Variants in PTCD2 observed in about 807,000 individuals in gnomAD.
PTCD2 encodes the protein pentatricopeptide repeat-containing protein 2, mitochondrial.
A neutral mutation model predicts 42.6 loss-of-function variants in PTCD2; 31 were observed. That is an observed-to-expected ratio of 0.73 (90% CI 0.55 to 0.98). The LOEUF is 0.98. Ranked by LOEUF, PTCD2 falls within the 50% of genes least tolerant of loss-of-function variation. The pLI is 0.00. For missense variants in PTCD2, 476 were observed against 454.8 expected (o/e 1.05, Z -0.42); for synonymous variants, 183 against 170.9 (o/e 1.07, Z -0.55).
chr5:72,352,360 A>G (rs185562479), intron 8 of PTCD2, among the ~76,000 whole-genome samples: 3 of 152,232 alleles, frequency 2.0e-5, no homozygotes, highest in Admixed American at 1.3e-4. Flanking sequence ...GTTGGCCAGA[A>G]TGGTCTCTAT....
chr5:72,343,573 A>G (rs1353211451), intron 8 of PTCD2, among the ~76,000 whole-genome samples: 4 of 152,196 alleles, frequency 2.6e-5, no homozygotes, highest in African/African-American at 4.8e-5. Flanking sequence ...CCTCTTCCCC[A>G]TTAACTTACC....
rs2112266614 is a variant in PTCD2 at position 72,367,773 on chromosome 5, T to C, written c.*9346T>C. 6.6e-6 allele frequency: 1 copy of C among 152,304 alleles called. No individual in the cohort carries two copies. The highest frequency in any genetic ancestry group is 2.4e-5 in the African/African-American group (1 of 41,560). The allele number at this position is 152,304 out of a possible 1,614,324, so 9.4% of individuals were successfully genotyped here. On this transcript the variant is annotated 3_prime_UTR_variant, in exon 10 of 10. Transcript: ENST00000380639. ...TTAGAAGTGGAGGGAGGAACACAGT[T>C]AGGCTGTGTTCTACTGCACTGCATA...
chr5:72,344,604 T>C (rs1476521169), intron 8 of PTCD2, among the ~76,000 whole-genome samples: 1 of 152,156 alleles, frequency 6.6e-6, no homozygotes, highest in Non-Finnish European at 1.5e-5. Context: ...CCAATTTCCT[T>C]TGATCTGAAA....
Position 72,343,018 on chromosome 5 carries a change from A to G in PTCD2, c.810A>G (p.Ile270Met), listed in dbSNP as rs751725605. ...IFSQIMNPES[I>M]ACINLNIIIH... ...CTCAAATCATGAATCCAGAAAGCAT[A>G]GCCTGCATTAATTTAAATGTAAGTG... The change falls in exon 8 of 10, where the codon ATA (isoleucine) becomes ATG (methionine). Residue 270 changes from isoleucine to methionine, a missense_variant. Ile to Met is a conservative substitution (Grantham distance 10). Coordinates refer to ENST00000380639, the MANE Select transcript of PTCD2 (RefSeq NM_024754.5). The G allele has an allele frequency of 6.3e-7, 1 of 1,590,010 alleles. No homozygotes were observed. The highest frequency in any genetic ancestry group is 1.1e-5 in the South Asian group (1 of 88,062).
rs190670065 is a variant in PTCD2 at position 72,330,038 on chromosome 5, T to C, written c.351-1220T>C. On this transcript the variant is annotated intron_variant, in intron 3 of 9. Coordinates refer to ENST00000380639, the MANE Select transcript of PTCD2 (RefSeq NM_024754.5). Reference sequence around the variant, plus strand: ...AGCTCCGCCTCCTGGGTTCATGCCATTCTCCTGCCTCAGCCTCCCAAGTAG... The same window carrying C: ...AGCTCCGCCTCCTGGGTTCATGCCACTCTCCTGCCTCAGCCTCCCAAGTAG... Among the ~76,000 whole-genome samples, 561 of 151,772 alleles carry C rather than the reference T, an allele frequency of 3.7e-3. 1 individual carries two copies. Among genetic ancestry groups the C allele is most frequent in the African/African-American group, 0.013 (545 of 41,378 alleles).
Position 72,359,799 on chromosome 5 carries a change from A to T in PTCD2, c.*1372A>T, listed in dbSNP as rs976131070. ...AGCTGAGATTAGAATCCAGATTCCT[A>T]GTCTAGTATCCTTCCCACTGTACCA... is the stretch of plus-strand genomic sequence containing the variant. On this transcript the variant is annotated 3_prime_UTR_variant, in exon 10 of 10. Coordinates refer to ENST00000380639, the MANE Select transcript of PTCD2 (RefSeq NM_024754.5). The T allele has an allele frequency of 6.6e-6, 1 of 152,108 alleles. No individual in the cohort carries two copies. Among genetic ancestry groups the T allele is most frequent in the Admixed American group, 6.6e-5 (1 of 15,262 alleles). 9.4% of individuals were successfully genotyped at this position (152,108 alleles called of 1,614,324 possible). A position where few individuals can be genotyped will look rare whatever the true frequency, so the allele number is the denominator to read the frequency against.
Position 72,352,766 on chromosome 5 carries a change from A to C in PTCD2, c.942+12A>C, listed in dbSNP as rs1260636205. 4 of 1,268,836 alleles carry C rather than the reference A, an allele frequency of 3.2e-6. No homozygotes were observed. The highest frequency in any genetic ancestry group is 4.6e-6 in the Non-Finnish European group (4 of 872,394). The allele number at this position is 1,268,836 out of a possible 1,614,324, so 78.6% of individuals were successfully genotyped here. On this transcript the variant is annotated intron_variant, in intron 9 of 9. Coordinates refer to ENST00000380639, the MANE Select transcript of PTCD2 (RefSeq NM_024754.5). Reference sequence around the variant, plus strand: ...TCTCGGAGGAAGTGGTGAGTATGCAAGTGCTGCAGAAATCATTTAAAAGTG... The same window carrying C: ...TCTCGGAGGAAGTGGTGAGTATGCACGTGCTGCAGAAATCATTTAAAAGTG...
At chr5:72,341,887 A>T (rs571396754) in intron 7 of PTCD2, among the ~76,000 whole-genome samples, 2 of 150,842 alleles carry the variant, frequency 1.3e-5, no homozygotes, top group South Asian at 4.2e-4. Context: ...CTGAAAATAC[A>T]AAAAAAAATT....
rs1342013888 is a variant in PTCD2, at chr5:72,352,751, A to AG, written c.940dup (p.Val314GlyfsTer20). The AG allele has an allele frequency of 6.7e-7, 1 of 1,499,680 alleles. No homozygotes were observed. The highest frequency in any genetic ancestry group is 1.1e-5 in the South Asian group (1 of 88,438). 92.9% of individuals were successfully genotyped at this position (1,499,680 alleles called of 1,614,324 possible). On this transcript the variant is annotated frameshift_variant, in exon 9 of 10. Coordinates refer to ENST00000380639, the MANE Select transcript of PTCD2 (RefSeq NM_024754.5). LOFTEE classifies it low-confidence loss of function (END_TRUNC). The stretch of plus-strand genomic sequence containing the variant: ...TGAAAAGACATGTGTTCTCGGAGGA[A>AG]GTGGTGAGTATGCAAGTGCTGCAGA...
At position 72,364,792 on chromosome 5, in the gene PTCD2, T is replaced by C. The variant is rs1753164154; in HGVS notation, c.*6365T>C. 1 of 152,194 alleles carries C rather than the reference T, an allele frequency of 6.6e-6. No individual in the cohort carries two copies. The highest frequency in any genetic ancestry group is 2.1e-4 in the South Asian group (1 of 4,832). 9.4% of individuals were successfully genotyped at this position (152,194 alleles called of 1,614,324 possible). A position where few individuals can be genotyped will look rare whatever the true frequency, so the allele number is the denominator to read the frequency against. ...TCCTGGGTTGGCCAGTGCATTCATG[T>C]ACTGGACCAGGGCCCCTGTATCTTG... On this transcript the variant is annotated 3_prime_UTR_variant, in exon 10 of 10. Coordinates refer to ENST00000380639, the MANE Select transcript of PTCD2 (RefSeq NM_024754.5).
In PTCD2 at chr5:72,358,602, C is replaced by T. The variant is rs567706710; in HGVS notation, c.*175C>T. ...CGATCTCTGAGAAGTTATGTTGCACCACTGTGAAGGTCTAGATGCAAGCTT... is the reference window on the plus strand; with the variant it reads ...CGATCTCTGAGAAGTTATGTTGCACTACTGTGAAGGTCTAGATGCAAGCTT... On this transcript the variant is annotated 3_prime_UTR_variant, in exon 10 of 10. Coordinates refer to ENST00000380639, the MANE Select transcript of PTCD2 (RefSeq NM_024754.5). 1 of 610,570 alleles carries T rather than the reference C, an allele frequency of 1.6e-6. No individual in the cohort carries two copies. The highest frequency in any genetic ancestry group is 2.9e-6 in the Non-Finnish European group (1 of 343,978). 37.8% of individuals were successfully genotyped at this position (610,570 alleles called of 1,614,324 possible).
rs756625724 is a variant in PTCD2 at position 72,320,390 on chromosome 5, G to A, written c.8G>A (p.Arg3Gln). The change falls in exon 1 of 10, where the codon CGA (arginine) becomes CAA (glutamine). Residue 3 changes from arginine to glutamine, a missense_variant. Transcript: ENST00000380639. The stretch of plus-strand genomic sequence containing the variant: ...CCGGTTCCAGTAGTTGGTATGGTCC[G>A]AGACAGTATGGCTGCTGCATTTCGG... Reference protein sequence around the residue: MVRDSMAAAFRPS... With the variant: MVQDSMAAAFRPS... The A allele has an allele frequency of 5.0e-6, 8 of 1,613,996 alleles. No individual in the cohort carries two copies. In the East Asian group the frequency reaches 1.8e-4, roughly 36 times the overall value.
intron 4 of PTCD2, among the ~76,000 whole-genome samples, chr5:72,332,799 G>T (rs1234673582): frequency 6.6e-6 from 1 of 152,116 alleles, no homozygotes; most frequent in Non-Finnish European, 1.5e-5. Context: ...AGTGTTGCCA[G>T]CATGGTAGCC....
chr5:72,322,574 A>G (rs1338908389), intron 2 of PTCD2, among the ~76,000 whole-genome samples: 1 of 152,208 alleles, frequency 6.6e-6, no homozygotes, highest in African/African-American at 2.4e-5. Context: ...ATCAGCATCT[A>G]TTGGGTGGTT....
At chr5:72,344,491 C>T (rs111251362) in intron 8 of PTCD2, among the ~76,000 whole-genome samples, 10 of 152,074 alleles carry the variant, frequency 6.6e-5, no homozygotes, top group African/African-American at 1.4e-4. Context: ...CCAGCCTTGG[C>T]GACAGAGCAA....
rs531474871 is a variant in PTCD2, at chr5:72,337,335, G to A, written c.640-1287G>A. Among the ~76,000 whole-genome samples, 9 of 151,998 alleles carry A rather than the reference G, an allele frequency of 5.9e-5. No individual in the cohort carries two copies. In the South Asian group the frequency reaches 1.5e-3, roughly 25 times the overall value. ...CAAGGGTCATAGTTTGCTGACCTCTGGATTCAATAATTCTTTCCATTCATA... is the reference window on the plus strand; with the variant it reads ...CAAGGGTCATAGTTTGCTGACCTCTAGATTCAATAATTCTTTCCATTCATA... On this transcript the variant is annotated intron_variant, in intron 6 of 9. Transcript: ENST00000380639.
chr5:72,326,494 C>A, intron 2 of PTCD2, 118 bp from the exon 3 acceptor site: 2 of 1,017,436 alleles, frequency 2.0e-6, no homozygotes, highest in Admixed American at 2.1e-5. Context: ...TGTTTCTGAA[C>A]CCCTCTCAGT....
In PTCD2 at chr5:72,359,443, C is replaced by T. The variant is rs1753040581; in HGVS notation, c.*1016C>T. On this transcript the variant is annotated 3_prime_UTR_variant, in exon 10 of 10. Transcript: ENST00000380639. The stretch of plus-strand genomic sequence containing the variant: ...CAGAAAGCCCAGAGGGTTGCTCAGA[C>T]CTCAGGAGCTGTCTGCCAAGATTGC... The T allele has an allele frequency of 6.6e-6, 1 of 152,192 alleles. No homozygotes were observed. The allele number at this position is 152,192 out of a possible 1,614,324, so 9.4% of individuals were successfully genotyped here. A position where few individuals can be genotyped will look rare whatever the true frequency, so the allele number is the denominator to read the frequency against.
At chr5:72,322,529 T>C (rs1329840320) in intron 2 of PTCD2, among the ~76,000 whole-genome samples, 1 of 152,232 alleles carries the variant, frequency 6.6e-6, no homozygotes, top group East Asian at 1.9e-4. Context: ...TGTCTAAATC[T>C]GTGCCATTAA....
Sources: gnomAD v4.1 joint callset for allele counts (sites outside exome capture counted in the v4.1 genomes callset) on GRCh38, gnomAD v4.1.1 for gene constraint, MANE v1.5 for transcripts, NCBI Gene and HGNC (gene_info 2026-07-23, HGNC 2026-07-21) for gene names.